The following MUC12 variants were observed in gnomAD, a reference collection of about 807,000 sequenced individuals.
MUC12 encodes mucin 12, cell surface associated.
A neutral mutation model predicts 230.8 loss-of-function variants in MUC12; 172 were observed. The ratio of observed to expected loss-of-function variants is 0.75; its 90% CI spans 0.66 to 0.85. MUC12 has a LOEUF of 0.85. Ranked by LOEUF, MUC12 falls within the 40% of genes least tolerant of loss-of-function variation. The pLI is 0.00. For synonymous variants in MUC12, 1,259 were observed against 2,401.9 expected (o/e 0.52, Z 13.91); for missense variants, 3,506 against 5,920.6 (o/e 0.59, Z 13.38).
intron 1 of MUC12, among the ~76,000 whole-genome samples, chr7:100,989,541 T>G (rs1793245880): frequency 1.3e-5 from 2 of 152,168 alleles, no homozygotes; most frequent in African/African-American, 4.8e-5. Flanking sequence ...TACAACCTTC[T>G]GCTGGAATTG....
rs1286918430 is a variant in MUC12, at chr7:100,992,106, T to A, written c.1543T>A (p.Ser515Thr). Reference sequence around the variant, plus strand: ...ACACTTACCTGCCAGCATGACAAGCTCAGGCGTCAGTGAAGAATCCACCAC... The same window carrying A: ...ACACTTACCTGCCAGCATGACAAGCACAGGCGTCAGTGAAGAATCCACCAC... The part of the protein sequence containing the change: ...TTHLPASMTS[S>T]GVSEESTTSH... Residue 515 changes from serine to threonine, a missense_variant, in exon 2 of 12, where the codon TCA becomes ACA. Physicochemically the swap from Ser to Thr is moderately conservative, Grantham distance 58 (BLOSUM62 1). Transcript: ENST00000536621. 1 of 1,537,304 alleles carries A rather than the reference T, an allele frequency of 6.5e-7. No individual in the cohort carries two copies. The highest frequency in any genetic ancestry group is 8.7e-7 in the Non-Finnish European group (1 of 1,146,734).
intron 10 of MUC12, chr7:101,016,898 T>G (rs1413441037): frequency 6.6e-6 from 1 of 152,492 alleles, no homozygotes; most frequent in Non-Finnish European, 1.5e-5. Flanking sequence ...CGTGCCTGTC[T>G]GAATCTCCGG....
chr7:100,981,788 G>A (rs752622151), intron 1 of MUC12, among the ~76,000 whole-genome samples: 2 of 151,694 alleles, frequency 1.3e-5, no homozygotes, highest in Non-Finnish European at 2.9e-5. Context: ...GGCCCACCAT[G>A]TCACTGCCTT....
rs529219905 is a variant in MUC12 at position 100,990,504 on chromosome 7, A to G, written c.68-127A>G. The G allele has an allele frequency of 3.6e-4, 427 of 1,171,602 alleles. 5 individuals carry two copies. In the South Asian group the frequency reaches 6.2e-3, roughly 17 times the overall value. The allele number at this position is 1,171,602 out of a possible 1,614,324, so 72.6% of individuals were successfully genotyped here. A position where few individuals can be genotyped will look rare whatever the true frequency, so the allele number is the denominator to read the frequency against. On this transcript the variant is annotated intron_variant, in intron 1 of 11. Coordinates refer to ENST00000536621, the MANE Select transcript of MUC12 (RefSeq NM_001164462.2). ...CACTTCCTATGCCCCCAAAAGGGAA[A>G]CTTGAGTTTCAATACCATGGGCTGA...
intron 6 of MUC12, 27 bp from the exon 7 acceptor site, chr7:101,012,792 A>G (rs1168182408): frequency 6.5e-7 from 1 of 1,534,528 alleles, no homozygotes; most frequent in South Asian, 1.2e-5. Context: ...TTTCTATTCC[A>G]TCTTCCTTCC....
In MUC12 at chr7:100,991,684, C is replaced by A. The variant is rs541344353; in HGVS notation, c.1121C>A (p.Pro374His). ...GGCTCAACTCAAACAATGCACTTCC[C>A]TGAAAGCTCCACAACTTCAGGCCAT... is the stretch of plus-strand genomic sequence containing the variant. ...SPGSTQTMHF[P>H]ESSTTSGHSE... Residue 374 changes from proline to histidine, a missense_variant, in exon 2 of 12, where the codon CCT becomes CAT. Physicochemically the swap from Pro to His is moderately conservative, Grantham distance 77. Transcript: ENST00000536621. 2 of 1,537,746 alleles carry A rather than the reference C, an allele frequency of 1.3e-6. No individual in the cohort carries two copies. The highest frequency in any genetic ancestry group is 2.4e-5 in the South Asian group (2 of 84,052).
chr7:100,991,412 C>G lies in MUC12; in HGVS notation c.849C>G (p.Ser283Arg), dbSNP rs1232238404. ...CTACCACCTTCCAGAGCTGGCCAAG[C>G]TCAAAGGACACTTCGCCTGCACCTT... is the stretch of plus-strand genomic sequence containing the variant. ...GEPTTFQSWPSSKDTSPAPSG... is the reference protein window; with the variant it reads ...GEPTTFQSWPRSKDTSPAPSG... The change falls in exon 2 of 12, where the codon AGC (serine) becomes AGG (arginine). Residue 283 changes from serine to arginine, a missense_variant. Coordinates refer to ENST00000536621, the MANE Select transcript of MUC12 (RefSeq NM_001164462.2). 1.8e-5 allele frequency: 28 copies of G among 1,537,702 alleles called. No homozygotes were observed. Among genetic ancestry groups the G allele is most frequent in the Non-Finnish European group, 2.4e-5 (27 of 1,147,056 alleles).
chr7:100,970,124 G>A (rs577868812), intron 1 of MUC12, among the ~76,000 whole-genome samples: 8 of 152,420 alleles, frequency 5.2e-5, no homozygotes, highest in East Asian at 1.9e-4. Flanking sequence ...GAGTCCAGAG[G>A]GGTGTGTGAC....
rs1282280062 is a variant in MUC12 at position 100,977,006 on chromosome 7, G to A, written c.67+7317G>A. On this transcript the variant is annotated intron_variant, in intron 1 of 11. Coordinates refer to ENST00000536621, the MANE Select transcript of MUC12 (RefSeq NM_001164462.2). ...GCAGAGGTTGCAGTGAGCCGAGATC[G>A]TGACACTGCGCTCCAGCCTTGGTGA... Among the ~76,000 whole-genome samples the A allele has an allele frequency of 2.1e-5, 3 of 141,348 alleles. No homozygotes were observed. The East Asian group carries it at 6.3e-4, about 30-fold the overall frequency. 92.7% of individuals were successfully genotyped at this position (141,348 alleles called of 152,430 possible).
rs151129547 is a variant in MUC12 at position 100,978,947 on chromosome 7, C to A, written c.67+9258C>A. On this transcript the variant is annotated intron_variant, in intron 1 of 11. Coordinates refer to ENST00000536621, the MANE Select transcript of MUC12 (RefSeq NM_001164462.2). ...GCCTCAGCCTCTCAAGTAGCTGGGA[C>A]TACAGATGTGCACCACCATGCCCAG... 3.0e-3 allele frequency among the ~76,000 whole-genome samples: 458 copies of A among 152,260 alleles called. 1 individual carries two copies. Among genetic ancestry groups the A allele is most frequent in the African/African-American group, 0.011 (438 of 41,554 alleles).
At chr7:100,975,013 A>T (rs1166044698) in intron 1 of MUC12, among the ~76,000 whole-genome samples, 2 of 151,848 alleles carry the variant, frequency 1.3e-5, no homozygotes, top group Non-Finnish European at 1.5e-5. Context: ...TCTTTGGTGG[A>T]AGACAAGGGT....
intron 1 of MUC12, among the ~76,000 whole-genome samples, chr7:100,973,611 G>A (rs564792088): frequency 9.2e-5 from 14 of 151,710 alleles, no homozygotes; most frequent in African/African-American, 3.4e-4. Context: ...GAACTCCTGG[G>A]CTCAAACCAT....
chr7:100,991,791 A>G lies in MUC12; in HGVS notation c.1228A>G (p.Thr410Ala), dbSNP rs1453081183. 18 of 1,537,810 alleles carry G rather than the reference A, an allele frequency of 1.2e-5. No individual in the cohort carries two copies. Among genetic ancestry groups the G allele is most frequent in the Non-Finnish European group, 1.6e-5 (18 of 1,147,068 alleles). ...TAGCACCACAGCTGCCCTAGCACAT[A>G]CAAGCTACCACAGCAGCCTGGGCTC... Reference protein sequence around the residue: ...TPSTTAALAHTSYHSSLGSTE... With the variant: ...TPSTTAALAHASYHSSLGSTE... The change falls in exon 2 of 12, where the codon ACA (threonine) becomes GCA (alanine). Residue 410 changes from threonine (T) to alanine (A), a missense_variant. Thr to Ala is a moderately conservative substitution (Grantham distance 58, BLOSUM62 0). Coordinates refer to ENST00000536621, the MANE Select transcript of MUC12 (RefSeq NM_001164462.2).
chr7:100,971,438 T>TTC, intron 1 of MUC12, among the ~76,000 whole-genome samples: 1 of 152,262 alleles, frequency 6.6e-6, no homozygotes, highest in Non-Finnish European at 1.5e-5. Flanking sequence ...TGGGGGTCTC[T>TTC]GGAGCCCTGC....
At chr7:100,983,041 C>T (rs562797882) in intron 1 of MUC12, among the ~76,000 whole-genome samples, 2 of 152,070 alleles carry the variant, frequency 1.3e-5, no homozygotes, top group South Asian at 4.2e-4. Context: ...GGTCAAAAGC[C>T]ATCTTTAGAA....
chr7:101,007,362 G>C (rs1562792994), intron 3 of MUC12, among the ~76,000 whole-genome samples: 1 of 151,954 alleles, frequency 6.6e-6, no homozygotes, highest in Admixed American at 6.6e-5. Flanking sequence ...TACATTTTTT[G>C]TACCCATTAA....
At chr7:101,013,384 A>G (rs1158411069) in intron 8 of MUC12, among the ~76,000 whole-genome samples, 2 of 152,202 alleles carry the variant, frequency 1.3e-5, no homozygotes, top group Non-Finnish European at 1.5e-5. Flanking sequence ...GAGAAAGTTC[A>G]TGCTGTCAAT....
At chr7:101,016,249 T>C (rs905477333) in intron 10 of MUC12, among the ~76,000 whole-genome samples, 7 of 150,374 alleles carry the variant, frequency 4.7e-5, no homozygotes, top group Non-Finnish European at 1.0e-4. Context: ...AAAGAAAGAG[T>C]GAGGGACGTG....
chr7:101,008,658 C>T lies in MUC12; in HGVS notation c.15083C>T (p.Thr5028Ile), dbSNP rs746463133. ...GAAACCCCGGAAAAACTCAACGCCA[C>T]TTTAGGTATGACAGTGAAAGTGACT... Reference protein sequence around the residue: ...PVETPEKLNATLGMTVKVTYR... With the variant: ...PVETPEKLNAILGMTVKVTYR... Residue 5028 changes from threonine to isoleucine, a missense_variant, in exon 4 of 12, where the codon ACT becomes ATT. Thr to Ile is a moderately conservative substitution (Grantham distance 89, BLOSUM62 -1). Transcript: ENST00000536621. The T allele has an allele frequency of 1.3e-6, 2 of 1,537,208 alleles. No individual in the cohort carries two copies. The highest frequency in any genetic ancestry group is 2.4e-5 in the South Asian group (2 of 84,054).
Sources: allele counts gnomAD v4.1 joint callset (sites outside exome capture counted in the v4.1 genomes callset), GRCh38; gene constraint gnomAD v4.1.1; transcripts MANE v1.5; gene names NCBI Gene and HGNC (gene_info 2026-07-23, HGNC 2026-07-21).